LPGAT1: variants seen among roughly 807,000 people sequenced by gnomAD.
The protein encoded by LPGAT1 is acyl-CoA:lysophosphatidylglycerol acyltransferase 1.
In LPGAT1, 11 loss-of-function variants were observed where a neutral mutation model predicts 47.5. That is an observed-to-expected ratio of 0.23 (90% confidence interval 0.15 to 0.38). The LOEUF is 0.38. LPGAT1 is among the 10% of genes least tolerant of loss of function. LPGAT1 has a pLI of 1.00. For synonymous variants in LPGAT1, 138 were observed against 144.2 expected (o/e 0.96, Z 0.31); for missense variants, 293 against 439.0 (o/e 0.67, Z 2.97).
Position 211,747,868 on chromosome 1 carries a change from GCATTTTATAACAA to G in LPGAT1, c.*2018_*2030del, listed in dbSNP as rs1657006023. On this transcript the variant is annotated 3_prime_UTR_variant, in exon 8 of 8. Coordinates refer to ENST00000366997, the MANE Select transcript of LPGAT1 (RefSeq NM_014873.3). ...AAATGCTTAGATTTAAAAAAAAATT[GCATTTTATAACAA>G]CCAGTCCCCAAACCAAACACATTAA... 6.6e-6 allele frequency: 1 copy of G among 152,454 alleles called. No homozygotes were observed. The highest frequency in any genetic ancestry group is 1.5e-5 in the Non-Finnish European group (1 of 68,012). 9.4% of individuals were successfully genotyped at this position (152,454 alleles called of 1,614,324 possible).
rs1360081177 is a variant in LPGAT1, at chr1:211,750,955, G to T, written c.961+6C>A. The T allele has an allele frequency of 1.3e-6, 2 of 1,587,182 alleles. No homozygotes were observed. The highest frequency in any genetic ancestry group is 2.7e-5 in the African/African-American group (2 of 74,414). ...ATTTAGCAACTATTTAAAGGTTACT[G>T]TGTACCTGTTTCATAAAAATGTGAT... On this transcript the variant is annotated splice_donor_region_variant and intron_variant, in intron 7 of 7. Coordinates refer to ENST00000366997, the MANE Select transcript of LPGAT1 (RefSeq NM_014873.3).
chr1:211,781,977 TAATA>T (rs1392236821), intron 5 of LPGAT1, among the ~76,000 whole-genome samples: 1 of 152,224 alleles, frequency 6.6e-6, no homozygotes, highest in Non-Finnish European at 1.5e-5. Context: ...AGAAAAGCAT[TAATA>T]AATAGAGAAA....
At chr1:211,829,735 TCCCA>T in intron 1 of LPGAT1, 7 of 1,009,844 alleles carry the variant, frequency 6.9e-6, no homozygotes, top group Admixed American at 1.1e-4. Flanking sequence ...CAATAAGATT[TCCCA>T]GATACTGAGG....
In LPGAT1 at chr1:211,827,713, C is replaced by T. The variant is rs546653958; in HGVS notation, c.238+1346G>A. ...AATTCAGCACCATAGATTAGAACTT[C>T]GTTTTTTCTCTACCACTGCTATTGC... On this transcript the variant is annotated intron_variant, in intron 2 of 7. Coordinates refer to ENST00000366997, the MANE Select transcript of LPGAT1 (RefSeq NM_014873.3). 1.4e-4 allele frequency among the ~76,000 whole-genome samples: 21 copies of T among 152,280 alleles called. No homozygotes were observed. The East Asian group carries it at 3.3e-3, about 24-fold the overall frequency.
chr1:211,805,522 T>C (rs1487224506), intron 2 of LPGAT1, among the ~76,000 whole-genome samples: 2 of 152,206 alleles, frequency 1.3e-5, no homozygotes, highest in African/African-American at 4.8e-5. Flanking sequence ...ATCTGTACTA[T>C]GAACTACTTT....
rs1660638859 is a variant in LPGAT1, at chr1:211,829,221, C to T, written c.76G>A (p.Val26Ile). Residue 26 changes from valine to isoleucine, a missense_variant, in exon 2 of 8, where the codon GTC becomes ATC. Transcript: ENST00000366997. ...VKALMRFAFMVVNNLVAIPSY... is the reference protein window; with the variant it reads ...VKALMRFAFMIVNNLVAIPSY... ...GGAATAGCAACCAGGTTGTTGACGA[C>T]CATGAAGGCAAACCTCATCAGTGCT... 6.2e-7 allele frequency: 1 copy of T among 1,614,066 alleles called. No homozygotes were observed. The highest frequency in any genetic ancestry group is 1.3e-5 in the African/African-American group (1 of 74,910).
At chr1:211,784,725 C>A (rs533008526) in intron 4 of LPGAT1, among the ~76,000 whole-genome samples, 5 of 151,242 alleles carry the variant, frequency 3.3e-5, no homozygotes, top group Non-Finnish European at 7.4e-5. Context: ...AAGAAGATGA[C>A]CTGAAGTCTA....
At chr1:211,766,432 A>G (rs375707091) in intron 6 of LPGAT1, among the ~76,000 whole-genome samples, 128 of 152,376 alleles carry the variant, frequency 8.4e-4, no homozygotes, top group African/African-American at 2.9e-3. Flanking sequence ...AAATGCATTT[A>G]ATACACCTAA....
rs1177095027 is a variant in LPGAT1, at chr1:211,817,854, CAG to C, written c.238+11203_238+11204del. 4.6e-5 allele frequency among the ~76,000 whole-genome samples: 7 copies of C among 151,968 alleles called. No homozygotes were observed. In the East Asian group the frequency reaches 1.4e-3, roughly 29 times the overall value. ...TTTTGTTTTTGTTTTTGTTTTGAGA[CAG>C]AGTCTCACTCTGTCCAGAGACAGGC... On this transcript the variant is annotated intron_variant, in intron 2 of 7. Transcript: ENST00000366997.
At chr1:211,808,994 G>A (rs942310968) in intron 2 of LPGAT1, among the ~76,000 whole-genome samples, 4 of 151,314 alleles carry the variant, frequency 2.6e-5, no homozygotes, top group African/African-American at 9.7e-5. Flanking sequence ...TCAGGAGATC[G>A]AGACCATCCT....
chr1:211,791,676 G>A (rs1571734851), intron 3 of LPGAT1, among the ~76,000 whole-genome samples: 1 of 151,166 alleles, frequency 6.6e-6, no homozygotes, highest in East Asian at 1.9e-4. Context: ...GAACCCAGGA[G>A]GCAGAGGTTG....
intron 2 of LPGAT1, among the ~76,000 whole-genome samples, chr1:211,807,404 T>C (rs1221021183): frequency 6.6e-6 from 1 of 151,972 alleles, no homozygotes; most frequent in African/African-American, 2.4e-5. Context: ...TGCACATAAG[T>C]GAATTTTAAA....
chr1:211,798,086 TAAC>T (rs747468763), intron 2 of LPGAT1, among the ~76,000 whole-genome samples: 1 of 152,100 alleles, frequency 6.6e-6, no homozygotes, highest in Admixed American at 6.6e-5. Flanking sequence ...AAAAACTCCT[TAAC>T]AACAGTGACA....
intron 6 of LPGAT1, among the ~76,000 whole-genome samples, chr1:211,773,896 C>T (rs1571713761): frequency 6.6e-6 from 1 of 151,854 alleles, no homozygotes; most frequent in South Asian, 2.1e-4. Flanking sequence ...TGAAAAAGTT[C>T]AATAATGTAG....
chr1:211,755,537 G>C (rs1657405128), intron 6 of LPGAT1, among the ~76,000 whole-genome samples: 1 of 150,322 alleles, frequency 6.7e-6, no homozygotes, highest in Admixed American at 6.7e-5. Context: ...CCAAATTTAA[G>C]TGCGAGTAGA....
chr1:211,787,758 G>T, intron 3 of LPGAT1, 31 bp from the exon 4 acceptor site: 1 of 1,379,088 alleles, frequency 7.3e-7, no homozygotes, highest in East Asian at 2.3e-5. Context: ...AAATAATATT[G>T]GATAGAAGAA....
intron 2 of LPGAT1, among the ~76,000 whole-genome samples, 193 bp downstream of exon 2, chr1:211,828,866 T>C (rs1381878209): frequency 6.6e-6 from 1 of 152,192 alleles, no homozygotes; most frequent in Non-Finnish European, 1.5e-5. Context: ...CAATACATAA[T>C]TATGAAATTA....
At chr1:211,780,126 G>A (rs1326372839) in intron 5 of LPGAT1, among the ~76,000 whole-genome samples, 3 of 148,668 alleles carry the variant, frequency 2.0e-5, no homozygotes, top group African/African-American at 7.4e-5. Flanking sequence ...GTAGTGAGCC[G>A]AGATCGCACC....
intron 6 of LPGAT1, among the ~76,000 whole-genome samples, chr1:211,777,460 C>A (rs571611384): frequency 1.3e-5 from 2 of 152,088 alleles, no homozygotes; most frequent in African/African-American, 4.8e-5. Flanking sequence ...GGCTAAAAGG[C>A]CTATAAAGTG....
Sources: gnomAD v4.1 joint callset for allele counts (sites outside exome capture counted in the v4.1 genomes callset) on GRCh38, gnomAD v4.1.1 for gene constraint, MANE v1.5 for transcripts, NCBI Gene and HGNC (gene_info 2026-07-23, HGNC 2026-07-21) for gene names.